SNTG1: variants seen among roughly 807,000 people sequenced by gnomAD.
SNTG1 encodes syntrophin gamma 1.
Under a neutral mutation model 74.7 loss-of-function variants are expected in SNTG1, and 39 were observed. That is an observed-to-expected ratio of 0.52 (90% CI 0.40 to 0.68). The LOEUF (loss-of-function observed/expected upper bound fraction) is 0.68. SNTG1 is among the 30% of genes least tolerant of loss of function. SNTG1 has a pLI of 0.00. For missense variants in SNTG1, 685 were observed against 609.5 expected (o/e 1.12, Z -1.30); for synonymous variants, 254 against 217.1 (o/e 1.17, Z -1.49).
At chr8:50,316,433 C>T (rs888163999) in intron 2 of SNTG1, among the ~76,000 whole-genome samples, 4 of 152,090 alleles carry the variant, frequency 2.6e-5, no homozygotes, top group Non-Finnish European at 5.9e-5. Flanking sequence ...ACTAATGTTA[C>T]CATTTTAAAA....
chr8:50,388,253 A>C (rs2092604981), intron 2 of SNTG1, among the ~76,000 whole-genome samples: 1 of 152,128 alleles, frequency 6.6e-6, no homozygotes, highest in Non-Finnish European at 1.5e-5. Context: ...GCAAACAACC[A>C]ATCTTATTGC....
intron 2 of SNTG1, among the ~76,000 whole-genome samples, chr8:50,248,124 T>A (rs1041799058): frequency 1.3e-5 from 2 of 152,178 alleles, no homozygotes; most frequent in Non-Finnish European, 2.9e-5. Context: ...CACATATGGC[T>A]TCATTTTAAG....
chr8:50,548,126 C>T lies in SNTG1; in HGVS notation c.681-4924C>T, dbSNP rs995124187. Among the ~76,000 whole-genome samples the T allele has an allele frequency of 5.3e-5, 8 of 152,142 alleles. No homozygotes were observed. In the East Asian group the frequency reaches 5.8e-4, roughly 11 times the overall value. On this transcript the variant is annotated intron_variant, in intron 11 of 18. Coordinates refer to ENST00000642720, the MANE Select transcript of SNTG1 (RefSeq NM_018967.5). ...TCTTTGCACAATTTATTACTTTTGCCAGGGAATCCTGCTATGCCAGGAAGA... is the reference window on the plus strand; with the variant it reads ...TCTTTGCACAATTTATTACTTTTGCTAGGGAATCCTGCTATGCCAGGAAGA...
rs537173846 is a variant in SNTG1 at position 49,971,137 on chromosome 8, T to G, written c.-103+58906T>G. 2.0e-3 allele frequency among the ~76,000 whole-genome samples: 297 copies of G among 152,206 alleles called. 2 individuals are homozygous for G. Among genetic ancestry groups the G allele is most frequent in the African/African-American group, 6.9e-3 (288 of 41,506 alleles). On this transcript the variant is annotated intron_variant, in intron 1 of 18. Coordinates refer to ENST00000642720, the MANE Select transcript of SNTG1 (RefSeq NM_018967.5). ...AATCCTCAATAAAATACTGGCAAAC[T>G]GAATCCAGCAGCACATCAAAAAGCT...
intron 1 of SNTG1, among the ~76,000 whole-genome samples, chr8:49,964,046 T>C (rs1445068789): frequency 6.6e-6 from 1 of 152,230 alleles, no homozygotes; most frequent in Admixed American, 6.5e-5. Flanking sequence ...CACAGCACCT[T>C]GTTTATAGTA....
At chr8:50,738,959 C>T (rs868200459) in intron 17 of SNTG1, among the ~76,000 whole-genome samples, 32 of 151,986 alleles carry the variant, frequency 2.1e-4, no homozygotes, top group African/African-American at 6.8e-4. Context: ...CCATAAAAAC[C>T]CTAGAAGAAA....
intron 17 of SNTG1, among the ~76,000 whole-genome samples, chr8:50,734,839 A>C (rs1332791113): frequency 2.2e-5 from 2 of 91,816 alleles, no homozygotes; most frequent in African/African-American, 5.0e-5. Context: ...ATATATATCT[A>C]TATATATGGA....
chr8:50,071,367 G>A (rs191878452), intron 1 of SNTG1, among the ~76,000 whole-genome samples: 3 of 151,516 alleles, frequency 2.0e-5, no homozygotes, highest in African/African-American at 7.3e-5. Flanking sequence ...TCAGAGATGG[G>A]GTCTTGTTAT....
chr8:50,347,615 T>A (rs559908079), intron 2 of SNTG1, among the ~76,000 whole-genome samples: 1 of 152,318 alleles, frequency 6.6e-6, no homozygotes, highest in South Asian at 2.1e-4. Context: ...ATTCCTCCAA[T>A]GGATCTGGGA....
At chr8:49,928,145 TAATAAATAAATAAATA>T (rs372341073) in intron 1 of SNTG1, among the ~76,000 whole-genome samples, 3 of 138,122 alleles carry the variant, frequency 2.2e-5, no homozygotes, top group Non-Finnish European at 3.1e-5. Context: ...TCTCAAAAAA[TAATAAATAAATAAATA>T]AATAAATAAA....
Position 50,312,253 on chromosome 8 carries a change from T to C in SNTG1, c.-27-81959T>C, listed in dbSNP as rs534136260. Among the ~76,000 whole-genome samples, 4 of 152,226 alleles carry C rather than the reference T, an allele frequency of 2.6e-5. 1 individual carries two copies. In the South Asian group the frequency reaches 8.3e-4, roughly 32 times the overall value. ...TGTAAAATATTAAACCAACAAATGC[T>C]TTTAGTTCCCCCCATCTATCTTTTC... On this transcript the variant is annotated intron_variant, in intron 2 of 18. Transcript: ENST00000642720.
At chr8:50,725,413 A>G (rs1400341613) in intron 17 of SNTG1, among the ~76,000 whole-genome samples, 1 of 152,214 alleles carries the variant, frequency 6.6e-6, no homozygotes, top group Non-Finnish European at 1.5e-5. Context: ...AGTCTAAAAC[A>G]TCAAACTGTA....
intron 1 of SNTG1, among the ~76,000 whole-genome samples, chr8:50,006,119 T>C (rs318917): frequency 0.81 from 123,211 of 151,650 alleles, 50,216 homozygotes; most frequent in East Asian, 0.95. Context: ...CATGCCACCA[T>C]GCCCAGCTAA....
intron 8 of SNTG1, among the ~76,000 whole-genome samples, chr8:50,484,142 T>TTCTTTCCTTC (rs2093766655): frequency 1.0e-5 from 1 of 98,510 alleles, no homozygotes; most frequent in Non-Finnish European, 2.1e-5. Flanking sequence ...CTTTCCTTCT[T>TTCTTTCCTTC]TCTTTCTTTC....
At chr8:50,697,523 T>C (rs917622316) in intron 15 of SNTG1, among the ~76,000 whole-genome samples, 7 of 152,208 alleles carry the variant, frequency 4.6e-5, no homozygotes, top group African/African-American at 1.7e-4. Context: ...GGGGAATACT[T>C]TCAACTTTTC....
chr8:50,023,919 G>A (rs1817042175), intron 1 of SNTG1, among the ~76,000 whole-genome samples: 1 of 152,108 alleles, frequency 6.6e-6, no homozygotes, highest in African/African-American at 2.4e-5. Flanking sequence ...GCATTGTTGT[G>A]AGTCCATAGG....
At chr8:50,735,871 G>A (rs1280485066) in intron 17 of SNTG1, among the ~76,000 whole-genome samples, 4 of 152,056 alleles carry the variant, frequency 2.6e-5, no homozygotes, top group Non-Finnish European at 4.4e-5. Flanking sequence ...CAGCCAGAGA[G>A]AAAGGTCGGG....
intron 2 of SNTG1, among the ~76,000 whole-genome samples, chr8:50,195,912 C>T (rs2083751738): frequency 6.6e-6 from 1 of 152,124 alleles, no homozygotes; most frequent in Admixed American, 6.6e-5. Flanking sequence ...GCTGCTCTGT[C>T]TGGAATTGCA....
intron 2 of SNTG1, among the ~76,000 whole-genome samples, chr8:50,337,343 C>T (rs2091174737): frequency 1.3e-5 from 2 of 152,154 alleles, no homozygotes; most frequent in Admixed American, 6.5e-5. Context: ...TTGGTGGTTG[C>T]TCAATGTGGA....
Sources: allele counts gnomAD v4.1 joint callset (sites outside exome capture counted in the v4.1 genomes callset), GRCh38; gene constraint gnomAD v4.1.1; transcripts MANE v1.5; gene names NCBI Gene and HGNC (gene_info 2026-07-23, HGNC 2026-07-21).